The following CEP89 variants were observed in gnomAD, a reference collection of about 807,000 sequenced individuals.
CEP89 encodes centrosomal protein 89, also known as centrosomal protein of 89 kDa.
CEP89 carries 95 observed loss-of-function variants against 97.6 expected under a neutral mutation model. The ratio of observed to expected loss-of-function variants is 0.97; its 90% CI spans 0.82 to 1.15. CEP89 has a LOEUF of 1.15. Ranked by LOEUF, CEP89 falls within the 50% of genes most tolerant of loss-of-function variation. The pLI, the probability that CEP89 is intolerant of heterozygous loss-of-function variation, is 0.00. For missense variants in CEP89, 869 were observed against 947.7 expected, an observed-to-expected ratio of 0.92 and a Z score of 1.09; for synonymous variants, 354 against 349.1, an observed-to-expected ratio of 1.01 and a Z score of -0.16.
intron 14 of CEP89, among the ~76,000 whole-genome samples, chr19:32,904,269 C>A (rs992826680): frequency 6.6e-6 from 1 of 152,206 alleles, no homozygotes; most frequent in Non-Finnish European, 1.5e-5. Flanking sequence ...AGAAAACACA[C>A]GTTATCTTCA....
Position 32,901,128 on chromosome 19 carries a change from C to G in CEP89, c.1733+117G>C, listed in dbSNP as rs528283729. 5.2e-5 allele frequency: 49 copies of G among 940,616 alleles called. No individual in the cohort carries two copies. In the African/African-American group the frequency reaches 7.1e-4, roughly 14 times the overall value. 58.3% of individuals were successfully genotyped at this position (940,616 alleles called of 1,614,324 possible). A position where few individuals can be genotyped will look rare whatever the true frequency, so the allele number is the denominator to read the frequency against. ...TCTTGAACTTCTGACCTCAAATGAT[C>G]GCCTGCCTCAGCCTCCCAAAGTGCT... On this transcript the variant is annotated intron_variant, in intron 15 of 18. Coordinates refer to ENST00000305768, the MANE Select transcript of CEP89 (RefSeq NM_032816.5).
In CEP89 at chr19:32,966,373, G is replaced by T; in HGVS notation, c.133C>A (p.Pro45Thr). The T allele has an allele frequency of 6.5e-7, 1 of 1,543,512 alleles. No individual in the cohort carries two copies. Among genetic ancestry groups the T allele is most frequent in the Non-Finnish European group, 8.8e-7 (1 of 1,140,504 alleles). ...TPPPRSPNPS[P>T]ERPRSALAAA... ...TCTGATACTCACCTTGGTCTCTCTGGAGATGGGTTGGGGCTGCGGGGAGGA... is the reference window on the plus strand; with the variant it reads ...TCTGATACTCACCTTGGTCTCTCTGTAGATGGGTTGGGGCTGCGGGGAGGA... Residue 45 changes from proline to threonine, a missense_variant, in exon 2 of 19, where the codon CCA becomes ACA. Physicochemically the swap from Pro to Thr is conservative, Grantham distance 38. Coordinates refer to ENST00000305768, the MANE Select transcript of CEP89 (RefSeq NM_032816.5).
At chr19:32,954,536 A>G (rs918940329) in intron 3 of CEP89, among the ~76,000 whole-genome samples, 2 of 151,390 alleles carry the variant, frequency 1.3e-5, no homozygotes, top group Admixed American at 1.3e-4. Context: ...TATTTTTTGT[A>G]GAGACGGGGT....
In CEP89 at chr19:32,914,539, T is replaced by C. The variant is rs139085440; in HGVS notation, c.1565+798A>G. Among the ~76,000 whole-genome samples the C allele has an allele frequency of 1.9e-3, 293 of 152,122 alleles. 1 individual carries two copies. The highest frequency in any genetic ancestry group is 3.6e-3 in the Non-Finnish European group (248 of 68,016). On this transcript the variant is annotated intron_variant, in intron 14 of 18. Coordinates refer to ENST00000305768, the MANE Select transcript of CEP89 (RefSeq NM_032816.5). Reference sequence around the variant, plus strand: ...TGCCTGCCTTGGCCTCTCAAAGTGTTGGGATCACAGGCATGAGGCACTACC... The same window carrying C: ...TGCCTGCCTTGGCCTCTCAAAGTGTCGGGATCACAGGCATGAGGCACTACC...
chr19:32,920,355 C>T (rs921898482), intron 12 of CEP89, among the ~76,000 whole-genome samples: 1 of 152,178 alleles, frequency 6.6e-6, no homozygotes, highest in African/African-American at 2.4e-5. Context: ...ATTAGGATTA[C>T]AGGGGTGAAC....
At chr19:32,942,100 G>A (rs562970379) in intron 5 of CEP89, among the ~76,000 whole-genome samples, 18 of 152,284 alleles carry the variant, frequency 1.2e-4, no homozygotes, top group East Asian at 3.9e-4. Context: ...GTTGACAGCT[G>A]GTCGGGCACA....
At chr19:32,897,771 A>C (rs182759496) in intron 16 of CEP89, among the ~76,000 whole-genome samples, 1 of 152,194 alleles carries the variant, frequency 6.6e-6, no homozygotes, top group Non-Finnish European at 1.5e-5. Context: ...TATCTTGCCC[A>C]TGCTGGTCTC....
chr19:32,951,534 T>TATACACACAC (rs1407110112), intron 4 of CEP89, among the ~76,000 whole-genome samples: 98 of 122,030 alleles, frequency 8.0e-4, no homozygotes, highest in South Asian at 3.4e-3. Flanking sequence ...TATATATATA[T>TATACACACAC]ACACACACAC....
At chr19:32,898,605 G>T (rs369028102) in intron 16 of CEP89, among the ~76,000 whole-genome samples, 2 of 152,134 alleles carry the variant, frequency 1.3e-5, no homozygotes, top group South Asian at 4.1e-4. Context: ...TGCTCAGCTG[G>T]GTGTGGTGGC....
intron 7 of CEP89, 125 bp from the exon 8 acceptor site, chr19:32,933,794 G>A (rs1052539740): frequency 2.2e-5 from 15 of 684,748 alleles, no homozygotes; most frequent in African/African-American, 3.6e-5. Flanking sequence ...CCCTGGGAAG[G>A]GAATGGCTTC....
intron 8 of CEP89, 150 bp from the exon 9 acceptor site, chr19:32,931,721 T>A: frequency 1.8e-6 from 1 of 553,714 alleles, no homozygotes; most frequent in Non-Finnish European, 3.0e-6. Context: ...TGTATGTGTG[T>A]CTGTGTGTGT....
At chr19:32,945,284 C>CA (rs10709515) in intron 5 of CEP89, among the ~76,000 whole-genome samples, 13,656 of 95,802 alleles carry the variant, frequency 0.14, 978 homozygotes, top group South Asian at 0.31. Context: ...AACTATGTTT[C>CA]AAAAAAAAAA....
At chr19:32,923,361 T>C in intron 12 of CEP89, 78 bp downstream of exon 12, 1 of 702,066 alleles carries the variant, frequency 1.4e-6, no homozygotes. Flanking sequence ...TAATTATGTA[T>C]TTGATAATTT....
chr19:32,878,085 A>G lies in CEP89; in HGVS notation c.*1077T>C, dbSNP rs1309195349. 2 of 152,026 alleles carry G rather than the reference A, an allele frequency of 1.3e-5. No homozygotes were observed. Among genetic ancestry groups the G allele is most frequent in the Admixed American group, 1.3e-4 (2 of 15,250 alleles). The allele number at this position is 152,026 out of a possible 1,614,324, so 9.4% of individuals were successfully genotyped here. A position where few individuals can be genotyped will look rare whatever the true frequency, so the allele number is the denominator to read the frequency against. On this transcript the variant is annotated 3_prime_UTR_variant, in exon 19 of 19. Transcript: ENST00000305768. ...GTGAGCCACCATGGCTGGCCTACAA[A>G]AATTTTTTTTTTACAAAATTAGCCA...
At chr19:32,932,621 A>C (rs983058828) in intron 8 of CEP89, among the ~76,000 whole-genome samples, 1 of 152,140 alleles carries the variant, frequency 6.6e-6, no homozygotes, top group Non-Finnish European at 1.5e-5. Flanking sequence ...CAAATCAATA[A>C]AAAGAAGTCA....
rs574896628 is a variant in CEP89 at position 32,885,489 on chromosome 19, T to C, written c.1965+2263A>G. ...GCATGTGCCACCAAGCCTGGCTAAT[T>C]GCTGTATTTTTTGTAGAGACTGGGG... On this transcript the variant is annotated intron_variant, in intron 17 of 18. Transcript: ENST00000305768. Among the ~76,000 whole-genome samples, 222 of 148,660 alleles carry C rather than the reference T, an allele frequency of 1.5e-3. 1 individual carries two copies. The highest frequency in any genetic ancestry group is 6.8e-3 in the Middle Eastern group (2 of 294).
Position 32,902,126 on chromosome 19 carries a change from A to T in CEP89, c.1566-714T>A, listed in dbSNP as rs188450015. Among the ~76,000 whole-genome samples, 720 of 151,138 alleles carry T rather than the reference A, an allele frequency of 4.8e-3. 11 individuals carry two copies. The highest frequency in any genetic ancestry group is 0.016 in the African/African-American group (633 of 40,650). Reference sequence around the variant, plus strand: ...ATGGTTATAAATGCCAGATTTATTTAAAAAAAACCTGCTAAAACAATTTTT... The same window carrying T: ...ATGGTTATAAATGCCAGATTTATTTTAAAAAAACCTGCTAAAACAATTTTT... On this transcript the variant is annotated intron_variant, in intron 14 of 18. Coordinates refer to ENST00000305768, the MANE Select transcript of CEP89 (RefSeq NM_032816.5).
At chr19:32,910,740 G>A (rs1000231144) in intron 14 of CEP89, among the ~76,000 whole-genome samples, 1 of 152,058 alleles carries the variant, frequency 6.6e-6, no homozygotes, top group African/African-American at 2.4e-5. Flanking sequence ...TAGGCCTGCA[G>A]AGGGACAGGA....
At chr19:32,939,606 A>G (rs576880783) in intron 6 of CEP89, among the ~76,000 whole-genome samples, 2 of 151,912 alleles carry the variant, frequency 1.3e-5, no homozygotes, top group South Asian at 4.2e-4. Context: ...TGAGCCTGGA[A>G]GACGGAGACC....
Sources: gnomAD v4.1 joint callset for allele counts (sites outside exome capture counted in the v4.1 genomes callset) on GRCh38, gnomAD v4.1.1 for gene constraint, MANE v1.5 for transcripts, NCBI Gene and HGNC (gene_info 2026-07-23, HGNC 2026-07-21) for gene names.